ZNF550: variants seen among roughly 807,000 people sequenced by gnomAD.
ZNF550 encodes zinc finger protein 550.
A neutral mutation model predicts 40.2 loss-of-function variants in ZNF550; 42 were observed. The observed-to-expected ratio is 1.05, with a 90% CI of 0.82 to 1.35. ZNF550 has a LOEUF of 1.35. Among genes scored for constraint, ZNF550 ranks in the 40% most tolerant of loss-of-function variants. The pLI is 0.00. For missense variants in ZNF550, 549 were observed against 525.2 expected, an observed-to-expected ratio of 1.05 and a Z score of -0.44; for synonymous variants, 223 against 198.6, an observed-to-expected ratio of 1.12 and a Z score of -1.03.
chr19:57,548,078 A>T, intron 3 of ZNF550, 85 bp from the exon 4 acceptor site: 1 of 1,287,482 alleles, frequency 7.8e-7, no homozygotes, highest in Non-Finnish European at 1.1e-6. Context: ...TAGGAAAATG[A>T]AGATGAAAAT....
chr19:57,547,516 C>T, exon 4 of ZNF550: 1 of 1,614,038 alleles, frequency 6.2e-7, no homozygotes. Context: ...GAGAGTTGAG[C>T]TCTGGCTAAA....
chr19:57,545,640 T>C (rs1363117918), intron 4 of ZNF550, among the ~76,000 whole-genome samples: 1 of 148,024 alleles, frequency 6.8e-6, no homozygotes, highest in East Asian at 1.9e-4. Context: ...CCCAACACTT[T>C]AGGAGGCTAA....
intron 3 of ZNF550, among the ~76,000 whole-genome samples, chr19:57,548,769 T>C (rs774078184): frequency 6.6e-5 from 10 of 152,180 alleles, no homozygotes; most frequent in East Asian, 3.9e-4. Context: ...CAAAGAGATA[T>C]CTGCACTACC....
At chr19:57,548,067 G>C (rs1432084170) in intron 3 of ZNF550, 74 bp from the exon 4 acceptor site, 1 of 1,353,128 alleles carries the variant, frequency 7.4e-7, no homozygotes, top group Non-Finnish European at 1.0e-6. Context: ...AACCACTTCA[G>C]TAGGAAAATG....
intron 4 of ZNF550, among the ~76,000 whole-genome samples, chr19:57,545,890 G>C (rs375099430): frequency 5.9e-5 from 9 of 152,240 alleles, no homozygotes; most frequent in African/African-American, 2.2e-4. Flanking sequence ...GTGTATGCCT[G>C]TATCCCAAGC....
At chr19:57,551,251 A>T (rs2090070310) in intron 3 of ZNF550, among the ~76,000 whole-genome samples, 1 of 152,170 alleles carries the variant, frequency 6.6e-6, no homozygotes, top group African/African-American at 2.4e-5. Context: ...ACATGAAATT[A>T]ATTATATACT....
chr19:57,552,484 A>G, intron 3 of ZNF550, 143 bp downstream of exon 3: 1 of 618,470 alleles, frequency 1.6e-6, no homozygotes, highest in Non-Finnish European at 2.8e-6. Flanking sequence ...GATGATGGAC[A>G]CTATGACCCA....
intron 3 of ZNF550, among the ~76,000 whole-genome samples, chr19:57,551,109 G>C (rs1309801775): frequency 6.6e-6 from 1 of 152,112 alleles, no homozygotes; most frequent in Non-Finnish European, 1.5e-5. Flanking sequence ...AACACAGCAG[G>C]TATGATGCAG....
intron 3 of ZNF550, among the ~76,000 whole-genome samples, chr19:57,552,033 A>T (rs2090076911): frequency 6.6e-6 from 1 of 152,212 alleles, no homozygotes; most frequent in Non-Finnish European, 1.5e-5. Flanking sequence ...GAAATGTATG[A>T]CATTACATTT....
intron 2 of ZNF550, chr19:57,553,286 G>A (rs2090090233): frequency 6.6e-6 from 1 of 152,474 alleles, no homozygotes; most frequent in African/African-American, 2.4e-5. Context: ...GCCATGGAGG[G>A]TAGTGCTATC....
intron 4 of ZNF550, chr19:57,544,370 CTG>C (rs767553575): frequency 1.0e-5 from 10 of 985,450 alleles, no homozygotes; most frequent in East Asian, 1.1e-4. Flanking sequence ...TTGGGACAAA[CTG>C]GGGCCTAGGT....
chr19:57,547,930 G>T (rs1055648752), exon 4 of ZNF550: 1 of 1,614,116 alleles, frequency 6.2e-7, no homozygotes, highest in Non-Finnish European at 8.5e-7. Flanking sequence ...CCGGAGAAAG[G>T]CCCGCTCAGA....
chr19:57,549,366 AC>A (rs1259496906), intron 3 of ZNF550, among the ~76,000 whole-genome samples: 2 of 151,926 alleles, frequency 1.3e-5, no homozygotes, highest in Non-Finnish European at 2.9e-5. Context: ...AATCGCTTGA[AC>A]CCGGGAGGCA....
chr19:57,553,813 G>A (rs1652572492), intron 2 of ZNF550: 1 of 152,232 alleles, frequency 6.6e-6, no homozygotes, highest in East Asian at 1.9e-4. Context: ...AAATTTCTTC[G>A]TGTGAGACCT....
chr19:57,548,615 T>C (rs971301096), intron 3 of ZNF550, among the ~76,000 whole-genome samples: 3 of 152,154 alleles, frequency 2.0e-5, no homozygotes, highest in Non-Finnish European at 2.9e-5. Context: ...GGAACCCTCA[T>C]ACACTGTTGG....
intron 4 of ZNF550, chr19:57,544,130 G>A: frequency 2.0e-6 from 2 of 985,398 alleles, no homozygotes; most frequent in Non-Finnish European, 2.4e-6. Flanking sequence ...CCCTGCTCAA[G>A]GGCAGGACCC....
chr19:57,550,938 G>C (rs2090067003), intron 3 of ZNF550, among the ~76,000 whole-genome samples: 1 of 152,132 alleles, frequency 6.6e-6, no homozygotes, highest in Non-Finnish European at 1.5e-5. Context: ...CATTTTGTCT[G>C]TTTTCGCCAA....
At chr19:57,547,602 C>G (rs1222799247) in exon 4 of ZNF550, 1 of 1,614,100 alleles carries the variant, frequency 6.2e-7, no homozygotes, top group Admixed American at 1.7e-5. Flanking sequence ...GATACCACTT[C>G]CTGTTAAAAC....
chr19:57,550,519 G>A (rs1164928520), intron 3 of ZNF550, among the ~76,000 whole-genome samples: 5 of 152,202 alleles, frequency 3.3e-5, no homozygotes, highest in Non-Finnish European at 7.3e-5. Flanking sequence ...TGGACACAAT[G>A]ATGGTGAAAA....
Sources: gnomAD v4.1 joint callset for allele counts (sites outside exome capture counted in the v4.1 genomes callset) on GRCh38, gnomAD v4.1.1 for gene constraint, MANE v1.5 for transcripts, NCBI Gene and HGNC (gene_info 2026-07-23, HGNC 2026-07-21) for gene names.